Variants in PCSK5 observed in about 807,000 individuals in gnomAD.
PCSK5 encodes prohormone convertase 5.
In PCSK5, 129 loss-of-function variants were observed where a neutral mutation model predicts 233.2. That is an observed-to-expected ratio of 0.55 (90% confidence interval 0.48 to 0.64). The LOEUF is 0.64. Ranked by LOEUF, PCSK5 falls within the 30% of genes least tolerant of loss-of-function variation. The pLI, the probability that PCSK5 is intolerant of heterozygous loss-of-function variation, is 0.00. For missense variants in PCSK5, 2,076 were observed against 2,430.1 expected, an observed-to-expected ratio of 0.85 and a Z score of 3.06; for synonymous variants, 825 against 879.2, an observed-to-expected ratio of 0.94 and a Z score of 1.09.
At chr9:76,007,962 C>T (rs1428677923) in intron 3 of PCSK5, among the ~76,000 whole-genome samples, 6 of 151,990 alleles carry the variant, frequency 3.9e-5, no homozygotes, top group African/African-American at 7.3e-5. Flanking sequence ...AAGTCTTCAA[C>T]GGGTTCCCCT....
At chr9:76,257,320 G>A (rs949998383) in intron 24 of PCSK5, among the ~76,000 whole-genome samples, 3 of 152,158 alleles carry the variant, frequency 2.0e-5, no homozygotes, top group African/African-American at 7.2e-5. Flanking sequence ...ATTGATTTAA[G>A]TCACAGAGCA....
chr9:76,090,008 TG>T (rs1251026247), intron 7 of PCSK5, among the ~76,000 whole-genome samples: 2 of 152,228 alleles, frequency 1.3e-5, no homozygotes, highest in Non-Finnish European at 2.9e-5. Flanking sequence ...GGATCCTGCA[TG>T]GATTCCACAA....
chr9:75,912,257 G>A, intron 1 of PCSK5, among the ~76,000 whole-genome samples: 1 of 152,180 alleles, frequency 6.6e-6, no homozygotes, highest in East Asian at 1.9e-4. Context: ...CCTGGAGGAA[G>A]CACGTTCTGG....
intron 24 of PCSK5, among the ~76,000 whole-genome samples, chr9:76,290,528 G>A (rs1160544312): frequency 6.6e-6 from 1 of 152,162 alleles, no homozygotes; most frequent in African/African-American, 2.4e-5. Flanking sequence ...CTTGGCTCTT[G>A]TTCAACTCTT....
At chr9:75,984,664 G>A (rs1826425508) in intron 2 of PCSK5, among the ~76,000 whole-genome samples, 1 of 152,168 alleles carries the variant, frequency 6.6e-6, no homozygotes, top group Non-Finnish European at 1.5e-5. Context: ...GTGGAGAATT[G>A]TGGAATACTT....
At chr9:75,949,807 A>G (rs1824761460) in intron 2 of PCSK5, among the ~76,000 whole-genome samples, 1 of 152,170 alleles carries the variant, frequency 6.6e-6, no homozygotes, top group African/African-American at 2.4e-5. Context: ...TACAGGCATG[A>G]GCCACCGCGC....
At chr9:76,238,726 G>A (rs1026105438) in intron 22 of PCSK5, among the ~76,000 whole-genome samples, 3 of 152,068 alleles carry the variant, frequency 2.0e-5, no homozygotes, top group South Asian at 4.2e-4. Flanking sequence ...GATAGTAGTC[G>A]CTGTTCACTG....
Position 76,179,716 on chromosome 9 carries a change from T to G in PCSK5, c.2003+18T>G. On this transcript the variant is annotated intron_variant, in intron 15 of 37. Coordinates refer to ENST00000674117, the MANE Select transcript of PCSK5 (RefSeq NM_001372043.1). ...AATACCAGGTAAGAGAGGTGCCAAG[T>G]CACATCCCCACAGCATGTGCCAGGC... is the stretch of plus-strand genomic sequence containing the variant. 6.5e-7 allele frequency: 1 copy of G among 1,532,888 alleles called. No homozygotes were observed. Among genetic ancestry groups the G allele is most frequent in the Non-Finnish European group, 9.0e-7 (1 of 1,106,210 alleles). 95.0% of individuals were successfully genotyped at this position (1,532,888 alleles called of 1,614,324 possible).
chr9:76,308,455 G>GA (rs1828769922), intron 28 of PCSK5, among the ~76,000 whole-genome samples, 190 bp from the exon 29 acceptor site: 1 of 151,674 alleles, frequency 6.6e-6, no homozygotes, highest in Non-Finnish European at 1.5e-5. Flanking sequence ...GAAGGAGTAA[G>GA]AGAAAAAAAA....
chr9:76,001,192 A>G (rs1263791109), intron 3 of PCSK5, among the ~76,000 whole-genome samples: 3 of 152,142 alleles, frequency 2.0e-5, no homozygotes, highest in Non-Finnish European at 2.9e-5. Context: ...GCTGTGTACA[A>G]CACTCTCTTA....
At chr9:75,953,689 A>G (rs1824969914) in intron 2 of PCSK5, among the ~76,000 whole-genome samples, 1 of 151,996 alleles carries the variant, frequency 6.6e-6, no homozygotes, top group African/African-American at 2.4e-5. Flanking sequence ...GATTTACAGT[A>G]GAGTTAGAGA....
At chr9:76,169,675 G>T (rs770274263) in intron 12 of PCSK5, 29 bp from the exon 13 acceptor site, 2 of 1,607,860 alleles carry the variant, frequency 1.2e-6, no homozygotes, top group East Asian at 2.2e-5. Flanking sequence ...TTGAAATATC[G>T]CACATAACAA....
intron 1 of PCSK5, among the ~76,000 whole-genome samples, chr9:75,920,475 T>G (rs982384072): frequency 5.3e-5 from 8 of 152,116 alleles, no homozygotes; most frequent in African/African-American, 1.7e-4. Context: ...ACTCCAAATA[T>G]TCTCCTTTAA....
At chr9:75,922,869 T>A (rs1175808131) in intron 1 of PCSK5, among the ~76,000 whole-genome samples, 2 of 152,276 alleles carry the variant, frequency 1.3e-5, no homozygotes, top group Non-Finnish European at 1.5e-5. Context: ...TTGGTGAAAG[T>A]GTTGCATCTG....
intron 35 of PCSK5, among the ~76,000 whole-genome samples, chr9:76,349,293 AAAAAAG>A (rs1830060488): frequency 3.6e-5 from 2 of 55,924 alleles, no homozygotes; most frequent in Admixed American, 2.9e-4. Context: ...AAAAAAAAAG[AAAAAAG>A]AAAAAGAAAA....
At chr9:76,144,724 A>G (rs1244773479) in intron 10 of PCSK5, among the ~76,000 whole-genome samples, 2 of 152,240 alleles carry the variant, frequency 1.3e-5, no homozygotes, top group Non-Finnish European at 2.9e-5. Flanking sequence ...GTATGCATCC[A>G]GAGATGGTTC....
In PCSK5 at chr9:75,891,288, C is replaced by G; in HGVS notation, c.107C>G (p.Thr36Ser). 1.9e-6 allele frequency: 3 copies of G among 1,547,418 alleles called. No individual in the cohort carries two copies. The highest frequency in any genetic ancestry group is 2.6e-5 in the East Asian group (1 of 38,544). The change falls in exon 1 of 38, where the codon ACC becomes AGC. Residue 36 changes from threonine (T) to serine (S), a missense_variant. This residue lies in a region of PCSK5 where 190 missense variants were observed against 216.3 expected (regional missense o/e 0.88). Coordinates refer to ENST00000674117, the MANE Select transcript of PCSK5 (RefSeq NM_001372043.1). The part of the protein sequence containing the change: ...LLPVCRTRVY[T>S]NHWAVKIAGG... ...CCCGTGTGTCGGACGCGCGTCTACACCAACCACTGGGCAGTCAAAATCGCC... is the reference window on the plus strand; with the variant it reads ...CCCGTGTGTCGGACGCGCGTCTACAGCAACCACTGGGCAGTCAAAATCGCC...
At chr9:76,189,046 T>C in intron 18 of PCSK5, 48 bp from the exon 19 acceptor site, 2 of 1,585,090 alleles carry the variant, frequency 1.3e-6, no homozygotes, top group Non-Finnish European at 8.6e-7. Context: ...TGACACCACC[T>C]CCTCTGAGGT....
At chr9:75,967,244 T>A (rs1825628025) in intron 2 of PCSK5, among the ~76,000 whole-genome samples, 1 of 152,140 alleles carries the variant, frequency 6.6e-6, no homozygotes, top group Non-Finnish European at 1.5e-5. Context: ...GCCCAATAGT[T>A]ACTTTTTCCG....
Sources: allele counts gnomAD v4.1 joint callset (sites outside exome capture counted in the v4.1 genomes callset), GRCh38; gene constraint gnomAD v4.1.1; regional missense constraint gnomAD v4.1.1; transcripts MANE v1.5; gene names NCBI Gene and HGNC (gene_info 2026-07-23, HGNC 2026-07-21).